The following DNAH8 variants were observed in gnomAD, a reference collection of about 807,000 sequenced individuals.
The protein encoded by DNAH8 is axonemal beta dynein heavy chain 8.
In DNAH8, 382 loss-of-function variants were observed where a neutral mutation model predicts 562.1. The ratio of observed to expected loss-of-function variants is 0.68; its 90% CI spans 0.63 to 0.74. The LOEUF is 0.74. Among genes scored for constraint, DNAH8 ranks in the 30% least tolerant of loss-of-function variants. The pLI is 0.00. For synonymous variants in DNAH8, 1,881 were observed against 1,919.4 expected, an observed-to-expected ratio of 0.98 and a Z score of 0.52; for missense variants, 5,203 against 5,620.4, an observed-to-expected ratio of 0.93 and a Z score of 2.37.
Position 38,830,660 on chromosome 6 carries a change from C to T in DNAH8, c.4189-1662C>T, listed in dbSNP as rs151002448. 9.6e-3 allele frequency among the ~76,000 whole-genome samples: 1,420 copies of T among 147,278 alleles called. 84 individuals are homozygous for T. Among genetic ancestry groups the T allele is most frequent in the Admixed American group, 0.086 (1,255 of 14,634 alleles). ...AAAAAAAAAAAAAAAAAAAAAAAGACCTCCAAGGGATGACCTACATCCTTT... is the reference window on the plus strand; with the variant it reads ...AAAAAAAAAAAAAAAAAAAAAAAGATCTCCAAGGGATGACCTACATCCTTT... On this transcript the variant is annotated intron_variant, in intron 30 of 92. Transcript: ENST00000327475.
rs1322525635 is a variant in DNAH8, at chr6:38,775,864, GA to G, written c.1880del (p.Lys627SerfsTer18). The G allele has an allele frequency of 6.2e-7, 1 of 1,612,208 alleles. No homozygotes were observed. The highest frequency in any genetic ancestry group is 8.5e-7 in the Non-Finnish European group (1 of 1,178,504). On this transcript the variant is annotated frameshift_variant, in exon 13 of 93. Coordinates refer to ENST00000327475, the MANE Select transcript of DNAH8 (RefSeq NM_001206927.2). LOFTEE classifies it high-confidence loss of function. ...KFRNIYQGVK[K>X]KQYDILDPRR... ...TCAGAAATATATACCAAGGGGTTAA[GA>G]AAAAGCAATATGACATTCTGGATCC...
At chr6:38,878,332 A>G (rs1778185554) in intron 53 of DNAH8, among the ~76,000 whole-genome samples, 1 of 152,190 alleles carries the variant, frequency 6.6e-6, no homozygotes, top group Admixed American at 6.5e-5. Flanking sequence ...ACAATTCTCG[A>G]TAGGGAGACT....
At chr6:38,845,549 C>T (rs1341828978) in intron 35 of DNAH8, 25 bp from the exon 36 acceptor site, 1 of 1,580,768 alleles carries the variant, frequency 6.3e-7, no homozygotes, top group Non-Finnish European at 8.7e-7. Flanking sequence ...AACATCATGA[C>T]ATATACTTTG....
At chr6:38,831,642 A>G (rs904974175) in intron 30 of DNAH8, among the ~76,000 whole-genome samples, 1 of 152,144 alleles carries the variant, frequency 6.6e-6, no homozygotes, top group Non-Finnish European at 1.5e-5. Context: ...CTGGAACTAC[A>G]CAGCCAGGTT....
In DNAH8 at chr6:38,949,549, G is replaced by T. The variant is rs1471478014; in HGVS notation, c.12227G>T (p.Cys4076Phe). The T allele has an allele frequency of 2.5e-6, 4 of 1,603,810 alleles. No homozygotes were observed. Among genetic ancestry groups the T allele is most frequent in the Non-Finnish European group, 3.4e-6 (4 of 1,170,830 alleles). ...GGATATAATGATTCACTAGATACCT[G>T]CCATAAACTTTTACTTATCAGGTGA... ...PDGYNDSLDT[C>F]HKLLLIRSWC... The change falls in exon 81 of 93, where the codon TGC becomes TTC. Residue 4076 changes from cysteine (C) to phenylalanine (F), a missense_variant. This residue lies in a region of DNAH8 where 1,399 missense variants were observed against 1,518.4 expected (regional missense o/e 0.92). Transcript: ENST00000327475.
intron 48 of DNAH8, among the ~76,000 whole-genome samples, chr6:38,869,415 T>C (rs1777296219): frequency 6.6e-6 from 1 of 152,162 alleles, no homozygotes; most frequent in Non-Finnish European, 1.5e-5. Context: ...TCACCCAGGC[T>C]GGAGTGCAGT....
intron 63 of DNAH8, among the ~76,000 whole-genome samples, chr6:38,907,289 C>G (rs1225463390): frequency 6.6e-6 from 1 of 152,208 alleles, no homozygotes; most frequent in Non-Finnish European, 1.5e-5. Context: ...TGCACTGTTT[C>G]CATTCAGGGA....
At chr6:38,756,764 T>C (rs990657462) in intron 10 of DNAH8, among the ~76,000 whole-genome samples, 8 of 148,860 alleles carry the variant, frequency 5.4e-5, no homozygotes, top group African/African-American at 1.8e-4. Flanking sequence ...AGTGAGAACA[T>C]GCGGTGTTTG....
At chr6:38,933,529 T>G (rs1782716967) in intron 76 of DNAH8, among the ~76,000 whole-genome samples, 1 of 152,212 alleles carries the variant, frequency 6.6e-6, no homozygotes, top group African/African-American at 2.4e-5. Flanking sequence ...CTATGAAGTT[T>G]AGCAAGAGTC....
At chr6:38,755,047 T>C (rs1442024967) in intron 9 of DNAH8, among the ~76,000 whole-genome samples, 2 of 152,140 alleles carry the variant, frequency 1.3e-5, no homozygotes, top group East Asian at 3.8e-4. Context: ...CCTGGTAGCA[T>C]GTACATTTTG....
At chr6:38,941,035 A>G (rs1280660482) in intron 79 of DNAH8, among the ~76,000 whole-genome samples, 1 of 151,746 alleles carries the variant, frequency 6.6e-6, no homozygotes, top group African/African-American at 2.4e-5. Flanking sequence ...CAGGAGAATC[A>G]CTTGAACCAG....
intron 89 of DNAH8, among the ~76,000 whole-genome samples, chr6:39,010,556 T>C (rs1277544006): frequency 2.0e-5 from 3 of 152,114 alleles, no homozygotes; most frequent in Non-Finnish European, 2.9e-5. Flanking sequence ...GTTTCCCTTT[T>C]AAAACCCTAA....
chr6:38,803,350 A>T (rs770534392), intron 22 of DNAH8, 39 bp downstream of exon 22: 4 of 1,550,134 alleles, frequency 2.6e-6, no homozygotes, highest in Non-Finnish European at 3.5e-6. Context: ...TACAAGATCT[A>T]CAGATTCGTT....
intron 88 of DNAH8, 132 bp downstream of exon 88, chr6:38,990,304 C>T (rs1351698521): frequency 6.1e-6 from 4 of 654,868 alleles, no homozygotes; most frequent in African/African-American, 3.7e-5. Flanking sequence ...AATAGTGTCG[C>T]TTCCTGTCTC....
intron 11 of DNAH8, among the ~76,000 whole-genome samples, chr6:38,762,739 C>A (rs775508473): frequency 6.6e-6 from 1 of 152,202 alleles, no homozygotes; most frequent in East Asian, 1.9e-4. Context: ...CCCTGGTCTT[C>A]GTAGTGCCAA....
rs1201651090 is a variant in DNAH8, at chr6:38,931,939, A to G, written c.11403A>G (p.Thr3801=). 1.2e-6 allele frequency: 2 copies of G among 1,610,448 alleles called. No homozygotes were observed. Among genetic ancestry groups the G allele is most frequent in the African/African-American group, 2.7e-5 (2 of 74,758 alleles). Reference sequence around the variant, plus strand: ...CGTCAGTCATTGATTTCACTGTTACAATGAAAGGACTTGAGAATCAGTTAC... The same window carrying G: ...CGTCAGTCATTGATTTCACTGTTACGATGAAAGGACTTGAGAATCAGTTAC... ...AKTSVIDFTV[T]MKGLENQLLR... is the part of the protein sequence containing the mutation. Residue 3801 remains threonine (T), a synonymous_variant, in exon 76 of 93, where the codon ACA becomes ACG. Transcript: ENST00000327475.
At position 39,012,542 on chromosome 6, in the gene DNAH8, T is replaced by C. The variant is rs1342799867; in HGVS notation, c.13619T>C (p.Phe4540Ser). 1.2e-6 allele frequency: 2 copies of C among 1,614,110 alleles called. No homozygotes were observed. Among genetic ancestry groups the C allele is most frequent in the Non-Finnish European group, 1.7e-6 (2 of 1,179,932 alleles). ...SWDSSTLGFW[F>S]TELLERNAQF... ...GATTCGTCCACACTGGGCTTCTGGTTCACTGAACTTTTGGAAAGAAATGCT... is the reference window on the plus strand; with the variant it reads ...GATTCGTCCACACTGGGCTTCTGGTCCACTGAACTTTTGGAAAGAAATGCT... Residue 4540 changes from phenylalanine to serine, a missense_variant, in exon 91 of 93, where the codon TTC becomes TCC. By Grantham distance (155) the Phe-to-Ser change is radical. Around this residue, in one of 6 missense-constraint regions of DNAH8, gnomAD observed 1,399 missense variants for 1,518.4 expected, o/e 0.92. Transcript: ENST00000327475.
intron 15 of DNAH8, 151 bp downstream of exon 15, chr6:38,780,216 C>T: frequency 2.7e-6 from 2 of 745,504 alleles, no homozygotes; most frequent in South Asian, 1.9e-5. Flanking sequence ...TGGGAAGGTG[C>T]TTGACAGTGT....
Position 38,875,627 on chromosome 6 carries a change from G to GA in DNAH8, c.7659dup (p.Glu2554ArgfsTer12). 1 of 1,612,948 alleles carries GA rather than the reference G, an allele frequency of 6.2e-7. No homozygotes were observed. Among genetic ancestry groups the GA allele is most frequent in the South Asian group, 1.1e-5 (1 of 91,008 alleles). ...TCTGGAAGGGTTAATTCCCTCCAAA[G>GA]AAGAAGGCGGTGTTTCCTGTGTCGA... On this transcript the variant is annotated frameshift_variant, in exon 53 of 93. Coordinates refer to ENST00000327475, the MANE Select transcript of DNAH8 (RefSeq NM_001206927.2). LOFTEE classifies it high-confidence loss of function.
Sources: allele counts gnomAD v4.1 joint callset (sites outside exome capture counted in the v4.1 genomes callset), GRCh38; gene constraint gnomAD v4.1.1; regional missense constraint gnomAD v4.1.1; transcripts MANE v1.5; gene names NCBI Gene and HGNC (gene_info 2026-07-23, HGNC 2026-07-21).